MCPH1: variants seen among roughly 807,000 people sequenced by gnomAD.
The protein encoded by MCPH1 is microcephalin 1, also known as microcephalin.
A neutral mutation model predicts 84.5 loss-of-function variants in MCPH1; 104 were observed. The ratio of observed to expected loss-of-function variants is 1.23; its 90% confidence interval spans 1.05 to 1.45. The LOEUF (loss-of-function observed/expected upper bound fraction) is 1.45. Ranked by LOEUF, MCPH1 falls within the 40% of genes most tolerant of loss-of-function variation. MCPH1 has a pLI of 0.00. For synonymous variants in MCPH1, 514 were observed against 366.8 expected, an observed-to-expected ratio of 1.40 and a Z score of -4.58; for missense variants, 1,498 against 1,005.7, an observed-to-expected ratio of 1.49 and a Z score of -6.62.
intron 12 of MCPH1, among the ~76,000 whole-genome samples, chr8:6,505,285 T>TTC (rs1563305563): frequency 0.043 from 4,548 of 104,890 alleles, 879 homozygotes; most frequent in African/African-American, 0.15. Flanking sequence ...TACATATATA[T>TTC]GTTATATACA....
intron 12 of MCPH1, among the ~76,000 whole-genome samples, chr8:6,553,990 T>C (rs1296280276): frequency 6.6e-6 from 1 of 151,900 alleles, no homozygotes; most frequent in Non-Finnish European, 1.5e-5. Flanking sequence ...GTTAGTGACA[T>C]AGAGAGACGA....
At chr8:6,540,877 G>T (rs1170065300) in intron 12 of MCPH1, among the ~76,000 whole-genome samples, 1 of 152,262 alleles carries the variant, frequency 6.6e-6, no homozygotes, top group Admixed American at 6.5e-5. Flanking sequence ...CGCCGCGCTG[G>T]CTGGTAAGAA....
chr8:6,640,059 C>CGTGTGTGTGTGT (rs147642349), intron 13 of MCPH1, among the ~76,000 whole-genome samples: 91 of 134,280 alleles, frequency 6.8e-4, no homozygotes, highest in African/African-American at 1.2e-3. Flanking sequence ...ATTTTAAACT[C>CGTGTGTGTGTGT]GTGTGTGTGT....
intron 12 of MCPH1, among the ~76,000 whole-genome samples, chr8:6,609,352 C>T (rs780927629): frequency 3.3e-5 from 5 of 152,156 alleles, no homozygotes; most frequent in Admixed American, 6.6e-5. Flanking sequence ...ACATATTTCT[C>T]GCAGTTGTTG....
chr8:6,578,155 G>T (rs2922862), intron 12 of MCPH1, among the ~76,000 whole-genome samples: 81,431 of 152,066 alleles, frequency 0.54, 22,390 homozygotes, highest in East Asian at 0.85. Flanking sequence ...ATGGGCATTT[G>T]GACATGGTCT....
chr8:6,609,391 A>T (rs1265616043), intron 12 of MCPH1, among the ~76,000 whole-genome samples: 1 of 152,206 alleles, frequency 6.6e-6, no homozygotes, highest in African/African-American at 2.4e-5. Flanking sequence ...ATCCAGATTT[A>T]TGACTTTTTA....
At position 6,454,848 on chromosome 8, in the gene MCPH1, C is replaced by T. The variant is rs145158062; in HGVS notation, c.1826-295C>T. ...TTAAAATCTAAGAATTTAAGTTTGACGAGTGCGTAAGGTATGGGTATACAT... is the reference window on the plus strand; with the variant it reads ...TTAAAATCTAAGAATTTAAGTTTGATGAGTGCGTAAGGTATGGGTATACAT... On this transcript the variant is annotated intron_variant, in intron 8 of 13. Transcript: ENST00000344683. 2.2e-3 allele frequency among the ~76,000 whole-genome samples: 328 copies of T among 152,238 alleles called. 4 individuals carry two copies. Among genetic ancestry groups the T allele is most frequent in the African/African-American group, 7.1e-3 (297 of 41,542 alleles).
intron 12 of MCPH1, among the ~76,000 whole-genome samples, chr8:6,523,071 C>T (rs1817666762): frequency 6.6e-6 from 1 of 151,738 alleles, no homozygotes; most frequent in Non-Finnish European, 1.5e-5. Context: ...CATCTTGGCT[C>T]ACTGCAACCT....
At chr8:6,535,915 G>C (rs999193965) in intron 12 of MCPH1, among the ~76,000 whole-genome samples, 1 of 151,686 alleles carries the variant, frequency 6.6e-6, no homozygotes, top group Admixed American at 6.6e-5. Context: ...AAATTAGCTT[G>C]GCCTGGTAGT....
At chr8:6,456,071 A>C (rs926315147) in intron 9 of MCPH1, among the ~76,000 whole-genome samples, 2 of 152,186 alleles carry the variant, frequency 1.3e-5, no homozygotes, top group East Asian at 3.8e-4. Flanking sequence ...TGGTTAAAAG[A>C]CATTTAAAAT....
rs79611801 is a variant in MCPH1, at chr8:6,423,645, G to A, written c.234-7854G>A. On this transcript the variant is annotated intron_variant, in intron 3 of 13. Coordinates refer to ENST00000344683, the MANE Select transcript of MCPH1 (RefSeq NM_024596.5). ...ATTTTTTTCAATTAGAAATATTACAGCATTGAGCTTCTGTATGTATTACCT... is the reference window on the plus strand; with the variant it reads ...ATTTTTTTCAATTAGAAATATTACAACATTGAGCTTCTGTATGTATTACCT... Among the ~76,000 whole-genome samples the A allele has an allele frequency of 6.9e-3, 1,057 of 152,174 alleles. 10 individuals are homozygous for A. Among genetic ancestry groups the A allele is most frequent in the African/African-American group, 0.024 (1,007 of 41,516 alleles).
At chr8:6,626,881 TTCCAC>T (rs1563211820) in intron 13 of MCPH1, 3 of 984,944 alleles carry the variant, frequency 3.0e-6, no homozygotes, top group Non-Finnish European at 3.6e-6. Flanking sequence ...ATAGGCGTAT[TTCCAC>T]TCTCAGGCGC....
At position 6,455,202 on chromosome 8, in the gene MCPH1, G is replaced by C. The variant is rs1187830396; in HGVS notation, c.1885G>C (p.Asp629His). The C allele has an allele frequency of 6.2e-7, 1 of 1,614,012 alleles. No homozygotes were observed. The highest frequency in any genetic ancestry group is 1.7e-5 in the Admixed American group (1 of 60,018). ...VLDDSCDGFK[D>H]LIKPHEELKK... ...AGATGACTCATGTGACGGCTTTAAG[G>C]ACCTCATCAAACCTCATGAGGAATT... Residue 629 changes from aspartate to histidine, a missense_variant, in exon 9 of 14, where the codon GAC becomes CAC. Coordinates refer to ENST00000344683, the MANE Select transcript of MCPH1 (RefSeq NM_024596.5).
At chr8:6,572,186 GA>G (rs10706929) in intron 12 of MCPH1, among the ~76,000 whole-genome samples, 144,597 of 149,396 alleles carry the variant, frequency 0.97, 70,112 homozygotes, top group South Asian at 1. Context: ...TTTCCCTCAA[GA>G]AAAAAAAAAA....
chr8:6,423,858 T>G (rs926265091), intron 3 of MCPH1, among the ~76,000 whole-genome samples: 3 of 152,222 alleles, frequency 2.0e-5, no homozygotes, highest in African/African-American at 7.2e-5. Context: ...ATGTTGTGAG[T>G]TATCAGTTCT....
chr8:6,640,232 C>G (rs2515566), intron 13 of MCPH1, among the ~76,000 whole-genome samples: 24,827 of 152,014 alleles, frequency 0.16, 3,302 homozygotes, highest in African/African-American at 0.37. Flanking sequence ...CTGTAAAATA[C>G]ATTCCAAGCA....
At chr8:6,595,261 G>C (rs1828830359) in intron 12 of MCPH1, among the ~76,000 whole-genome samples, 1 of 152,200 alleles carries the variant, frequency 6.6e-6, no homozygotes, top group East Asian at 1.9e-4. Flanking sequence ...CATTCCAGCA[G>C]AGGAGACACA....
At chr8:6,429,502 G>A (rs915236065) in intron 3 of MCPH1, among the ~76,000 whole-genome samples, 1 of 151,062 alleles carries the variant, frequency 6.6e-6, no homozygotes, top group Non-Finnish European at 1.5e-5. Context: ...CTCCTCCCCC[G>A]CCCCAGCTGC....
At position 6,522,730 on chromosome 8, in the gene MCPH1, T is replaced by C. The variant is rs551266282; in HGVS notation, c.2214+22801T>C. Among the ~76,000 whole-genome samples the C allele has an allele frequency of 2.7e-5, 4 of 149,744 alleles. No individual in the cohort carries two copies. In the East Asian group the frequency reaches 8.0e-4, roughly 30 times the overall value. ...TGGAGGTTGCAGTGAGCTGAGATTA[T>C]GCCATTGCACTCCAGCCTGGGCAAC... On this transcript the variant is annotated intron_variant, in intron 12 of 13. Coordinates refer to ENST00000344683, the MANE Select transcript of MCPH1 (RefSeq NM_024596.5).
Sources: gnomAD v4.1 joint callset for allele counts (sites outside exome capture counted in the v4.1 genomes callset) on GRCh38, gnomAD v4.1.1 for gene constraint, MANE v1.5 for transcripts, NCBI Gene and HGNC (gene_info 2026-07-23, HGNC 2026-07-21) for gene names.